CPD: variants seen among roughly 807,000 people sequenced by gnomAD.
CPD encodes carboxypeptidase D.
In CPD, 69 loss-of-function variants were observed where a neutral mutation model predicts 138.3. That is an observed-to-expected ratio of 0.50 (90% confidence interval 0.41 to 0.61). CPD has a LOEUF of 0.61. Among genes scored for constraint, CPD ranks in the 20% least tolerant of loss-of-function variants. CPD has a pLI of 0.00. For missense variants in CPD, 1,432 were observed against 1,733.3 expected (o/e 0.83, Z 3.09); for synonymous variants, 651 against 642.1 (o/e 1.01, Z -0.21).
chr17:30,443,730 G>T, intron 10 of CPD, 72 bp from the exon 11 acceptor site: 1 of 1,390,060 alleles, frequency 7.2e-7, no homozygotes, highest in East Asian at 2.4e-5. Flanking sequence ...CTGTTATTTT[G>T]AATATGACCT....
In CPD at chr17:30,464,588, G is replaced by T; in HGVS notation, c.3917G>T (p.Gly1306Val). The T allele has an allele frequency of 6.2e-7, 1 of 1,613,034 alleles. No homozygotes were observed. Among genetic ancestry groups the T allele is most frequent in the Non-Finnish European group, 8.5e-7 (1 of 1,179,516 alleles). The change falls in exon 21 of 21, where the codon GGT becomes GTT. Residue 1306 changes from glycine to valine, a missense_variant and splice_region_variant. Coordinates refer to ENST00000225719, the MANE Select transcript of CPD (RefSeq NM_001304.5). Reference protein sequence around the residue: ...LPRELVVTVSGATMSALILTA... With the variant: ...LPRELVVTVSVATMSALILTA... ...CCACATGATGGTTTTTGTTTGTCAG[G>T]TGCTACTATGTCGGCATTGATCCTA...
chr17:30,383,360 TGAAAG>T (rs1327123547), intron 1 of CPD, among the ~76,000 whole-genome samples: 4 of 152,180 alleles, frequency 2.6e-5, no homozygotes, highest in African/African-American at 9.7e-5. Flanking sequence ...ATTTTACAAA[TGAAAG>T]GAAAACTGAG....
intron 20 of CPD, 61 bp downstream of exon 20, chr17:30,462,530 G>C: frequency 8.6e-7 from 1 of 1,164,614 alleles, no homozygotes; most frequent in South Asian, 1.3e-5. Context: ...TTCAATATGA[G>C]AGTGGGTCAC....
chr17:30,380,547 T>G, intron 1 of CPD: 1 of 1,472,744 alleles, frequency 6.8e-7, no homozygotes, highest in Non-Finnish European at 8.9e-7. Flanking sequence ...TTAAGTGTTA[T>G]TAAGCATTGC....
chr17:30,403,889 A>T (rs150512038), intron 2 of CPD, among the ~76,000 whole-genome samples: 2 of 152,332 alleles, frequency 1.3e-5, no homozygotes, highest in East Asian at 3.9e-4. Context: ...TGATGAACAG[A>T]TAAGCAAATT....
At chr17:30,403,879 T>G (rs1016867258) in intron 2 of CPD, among the ~76,000 whole-genome samples, 3 of 152,166 alleles carry the variant, frequency 2.0e-5, no homozygotes, top group Non-Finnish European at 4.4e-5. Flanking sequence ...AACCATCACA[T>G]GATGAACAGA....
intron 17 of CPD, 88 bp downstream of exon 17, chr17:30,456,614 G>A: frequency 7.6e-7 from 1 of 1,323,146 alleles, no homozygotes; most frequent in Admixed American, 1.7e-5. Flanking sequence ...GGCCAAGGCA[G>A]GTGGATTTTC....
At position 30,439,071 on chromosome 17, in the gene CPD, G is replaced by A; in HGVS notation, c.2224G>A (p.Val742Met). The A allele has an allele frequency of 1.9e-6, 3 of 1,575,640 alleles. No individual in the cohort carries two copies. Among genetic ancestry groups the A allele is most frequent in the Non-Finnish European group, 2.6e-6 (3 of 1,162,288 alleles). Residue 742 changes from valine to methionine, a missense_variant, in exon 9 of 21, where the codon GTG becomes ATG. By Grantham distance (21) the Val-to-Met change is conservative. Coordinates refer to ENST00000225719, the MANE Select transcript of CPD (RefSeq NM_001304.5). Reference protein sequence around the residue: ...GITNGASWYNVPGGMQDWNYL... With the variant: ...GITNGASWYNMPGGMQDWNYL... ...AACAAATGGAGCTAGTTGGTATAATGTGCCAGGTAAAGATTCTTTTATATC... is the reference window on the plus strand; with the variant it reads ...AACAAATGGAGCTAGTTGGTATAATATGCCAGGTAAAGATTCTTTTATATC...
intron 17 of CPD, among the ~76,000 whole-genome samples, chr17:30,458,160 C>T (rs1913349240): frequency 6.6e-6 from 1 of 152,148 alleles, no homozygotes; most frequent in Non-Finnish European, 1.5e-5. Flanking sequence ...CACCATTGCA[C>T]TCCAGCCTGG....
chr17:30,421,933 G>T, intron 4 of CPD, 100 bp downstream of exon 4: 3 of 937,942 alleles, frequency 3.2e-6, no homozygotes, highest in Middle Eastern at 3.2e-4. Flanking sequence ...TATTTTTTGT[G>T]GCTTTTATTT....
At chr17:30,386,594 A>G (rs1911194763) in intron 2 of CPD, among the ~76,000 whole-genome samples, 1 of 152,144 alleles carries the variant, frequency 6.6e-6, no homozygotes, top group South Asian at 2.1e-4. Context: ...TTAAATAATA[A>G]TTCCCACTTC....
intron 12 of CPD, 120 bp from the exon 13 acceptor site, chr17:30,449,433 C>G: frequency 1.2e-6 from 1 of 852,074 alleles, no homozygotes; most frequent in Non-Finnish European, 1.7e-6. Context: ...GTGATTCACT[C>G]TTTAAAGACT....
At chr17:30,457,665 GT>G (rs907977672) in intron 17 of CPD, among the ~76,000 whole-genome samples, 119 of 144,504 alleles carry the variant, frequency 8.2e-4, no homozygotes, top group African/African-American at 6.8e-4. Flanking sequence ...TTATTTGCTG[GT>G]TTTTTTTTTT....
chr17:30,384,349 C>A (rs1911126015), intron 1 of CPD, among the ~76,000 whole-genome samples: 1 of 152,184 alleles, frequency 6.6e-6, no homozygotes, highest in Non-Finnish European at 1.5e-5. Flanking sequence ...CTTAAAAATT[C>A]TCTTTGGACG....
At position 30,438,998 on chromosome 17, in the gene CPD, T is replaced by C; in HGVS notation, c.2151T>C (p.Gly717=). 1 of 1,582,702 alleles carries C rather than the reference T, an allele frequency of 6.3e-7. No individual in the cohort carries two copies. The highest frequency in any genetic ancestry group is 8.5e-7 in the Non-Finnish European group (1 of 1,169,794). Reference sequence around the variant, plus strand: ...AGGAAAATTCCCAGATGTTTCAAGGTAGACCTTGCAAGAATATGTATCCTA... The same window carrying C: ...AGGAAAATTCCCAGATGTTTCAAGGCAGACCTTGCAAGAATATGTATCCTA... ...YSKENSQMFQ[G]RPCKNMYPNE... is the part of the protein sequence containing the mutation. Residue 717 remains glycine, a synonymous_variant, in exon 9 of 21, where the codon GGT becomes GGC. Coordinates refer to ENST00000225719, the MANE Select transcript of CPD (RefSeq NM_001304.5).
At position 30,423,033 on chromosome 17, in the gene CPD, A is replaced by G; in HGVS notation, c.1657+10A>G. ...GGTGTCCATGAACCAGGTAATTGGTATGGTCTTACACATAATTTCAGTAGT... is the reference window on the plus strand; with the variant it reads ...GGTGTCCATGAACCAGGTAATTGGTGTGGTCTTACACATAATTTCAGTAGT... On this transcript the variant is annotated intron_variant, in intron 5 of 20. Coordinates refer to ENST00000225719, the MANE Select transcript of CPD (RefSeq NM_001304.5). The G allele has an allele frequency of 6.3e-7, 1 of 1,582,702 alleles. No individual in the cohort carries two copies. Among genetic ancestry groups the G allele is most frequent in the Non-Finnish European group, 8.6e-7 (1 of 1,157,060 alleles).
chr17:30,378,966 C>G lies in CPD; in HGVS notation c.-15C>G, dbSNP rs766318215. The G allele has an allele frequency of 2.3e-5, 34 of 1,492,510 alleles. No homozygotes were observed. The African/African-American group carries it at 4.0e-4, about 17-fold the overall frequency. 92.5% of individuals were successfully genotyped at this position (1,492,510 alleles called of 1,614,324 possible). The stretch of plus-strand genomic sequence containing the variant: ...GCCGCGGGAGCGGAGCCGGGGTTAG[C>G]GGCGCTGCTGGAAGATGGCGAGCGG... On this transcript the variant is annotated 5_prime_UTR_variant, in exon 1 of 21. Coordinates refer to ENST00000225719, the MANE Select transcript of CPD (RefSeq NM_001304.5).
chr17:30,406,468 ATTTG>A (rs1911803127), intron 2 of CPD, among the ~76,000 whole-genome samples: 1 of 152,112 alleles, frequency 6.6e-6, no homozygotes. Flanking sequence ...TGGGGGATAT[ATTTG>A]TATGTGTCAT....
At chr17:30,407,882 G>A (rs1164639467) in intron 2 of CPD, among the ~76,000 whole-genome samples, 1 of 152,148 alleles carries the variant, frequency 6.6e-6, no homozygotes, top group African/African-American at 2.4e-5. Context: ...TAGTCATGAA[G>A]TCTTTGTCCA....
Sources: allele counts gnomAD v4.1 joint callset (sites outside exome capture counted in the v4.1 genomes callset), GRCh38; gene constraint gnomAD v4.1.1; transcripts MANE v1.5; gene names NCBI Gene and HGNC (gene_info 2026-07-23, HGNC 2026-07-21).